The following LINGO2 variants were observed in gnomAD, a reference collection of about 807,000 sequenced individuals.
The protein encoded by LINGO2 is leucine-rich repeat and immunoglobulin-like domain-containing nogo receptor-interacting protein 2.
In LINGO2, 14 loss-of-function variants were observed where a neutral mutation model predicts 30.6. The observed-to-expected ratio is 0.46, with a 90% CI of 0.30 to 0.72. LINGO2 has a LOEUF of 0.72. Among genes scored for constraint, LINGO2 ranks in the 30% least tolerant of loss-of-function variants. The pLI, the probability that LINGO2 is intolerant of heterozygous loss-of-function variation, is 0.07. For missense variants in LINGO2, 729 were observed against 751.7 expected, an observed-to-expected ratio of 0.97 and a Z score of 0.35; for synonymous variants, 317 against 288.5, an observed-to-expected ratio of 1.10 and a Z score of -1.00.
At chr9:28,043,758 C>G (rs770191545) in intron 4 of LINGO2, among the ~76,000 whole-genome samples, 4 of 152,180 alleles carry the variant, frequency 2.6e-5, no homozygotes, top group Non-Finnish European at 5.9e-5. Context: ...TACATGGAAA[C>G]AATCCTGGCA....
the LINGO2 span, among the ~76,000 whole-genome samples, chr9:29,183,495 G>A: frequency 6.6e-6 from 1 of 152,128 alleles, no homozygotes; most frequent in Non-Finnish European, 1.5e-5. Context: ...TCAGGTGCCA[G>A]AAGCAGATCT....
intron 1 of LINGO2, among the ~76,000 whole-genome samples, chr9:28,611,636 A>C (rs754643113): frequency 1.3e-4 from 20 of 152,000 alleles, no homozygotes; most frequent in Non-Finnish European, 2.8e-4. Flanking sequence ...AGAATCATGT[A>C]GTTTGTTCTT....
At position 28,473,441 on chromosome 9, in the gene LINGO2, A is replaced by G. The variant is rs138430083; in HGVS notation, c.-279+2499T>C. 1.7e-4 allele frequency among the ~76,000 whole-genome samples: 26 copies of G among 152,028 alleles called. No homozygotes were observed. The East Asian group carries it at 4.6e-3, about 27-fold the overall frequency. On this transcript the variant is annotated intron_variant, in intron 2 of 5. Transcript: ENST00000379992. ...CACACACACATACACATACACACAC[A>G]CACACTGTGAGCATGCACACATTAC...
At chr9:28,087,236 G>C (rs1226527872) in intron 4 of LINGO2, among the ~76,000 whole-genome samples, 1 of 152,042 alleles carries the variant, frequency 6.6e-6, no homozygotes, top group African/African-American at 2.4e-5. Context: ...GCCCAGACTA[G>C]ATTGTTGGAA....
At chr9:28,189,320 GAA>G (rs1819677241) in intron 4 of LINGO2, among the ~76,000 whole-genome samples, 1 of 82,732 alleles carries the variant, frequency 1.2e-5, no homozygotes, top group Non-Finnish European at 2.5e-5. Context: ...AGGAAGGAAG[GAA>G]GGGAGGGAGG....
rs766267617 is a variant in LINGO2, at chr9:28,226,626, GGAAAGAAGGAAAGAAGGAAAGAAA to G, written c.-87+68558_-87+68581del. Among the ~76,000 whole-genome samples, 237 of 90,818 alleles carry G rather than the reference GGAAAGAAGGAAAGAAGGAAAGAAA, an allele frequency of 2.6e-3. 1 individual carries two copies. The highest frequency in any genetic ancestry group is 4.0e-3 in the Non-Finnish European group (169 of 42,518). 59.6% of individuals were successfully genotyped at this position (90,818 alleles called of 152,430 possible). A position where few individuals can be genotyped will look rare whatever the true frequency, so the allele number is the denominator to read the frequency against. On this transcript the variant is annotated intron_variant, in intron 4 of 5. Transcript: ENST00000379992. Reference sequence around the variant, plus strand: ...AAAGAAAAAGGTAAGAAGGAAAGAAGGAAAGAAGGAAAGAAGGAAAGAAAGAAAGAAAGAAAGAAAGAAAGAAAG... The same window carrying G: ...AAAGAAAAAGGTAAGAAGGAAAGAAGGAAAGAAAGAAAGAAAGAAAGAAAG...
At chr9:29,136,570 C>A in the LINGO2 span, among the ~76,000 whole-genome samples, 3 of 152,172 alleles carry the variant, frequency 2.0e-5, no homozygotes, top group Middle Eastern at 3.4e-3. Context: ...AATATTTCTT[C>A]ATCATTGACT....
chr9:28,411,594 T>C (rs1822765981), intron 2 of LINGO2, among the ~76,000 whole-genome samples: 1 of 152,162 alleles, frequency 6.6e-6, no homozygotes, highest in Non-Finnish European at 1.5e-5. Context: ...GCATAAACCA[T>C]AATTACCTTC....
At chr9:28,471,273 G>C (rs1825507815) in intron 2 of LINGO2, among the ~76,000 whole-genome samples, 1 of 152,192 alleles carries the variant, frequency 6.6e-6, no homozygotes, top group South Asian at 2.1e-4. Context: ...TCTGGCATAG[G>C]CTTTCATACT....
intron 5 of LINGO2, among the ~76,000 whole-genome samples, chr9:27,956,921 C>T (rs1169570058): frequency 1.3e-5 from 2 of 151,852 alleles, no homozygotes; most frequent in Non-Finnish European, 2.9e-5. Flanking sequence ...AGCAAGATCT[C>T]ATATCTACAA....
intron 5 of LINGO2, among the ~76,000 whole-genome samples, chr9:28,003,987 AAG>A (rs1349368950): frequency 6.6e-6 from 1 of 152,218 alleles, no homozygotes; most frequent in African/African-American, 2.4e-5. Flanking sequence ...CATTTGAAAA[AAG>A]AGTGAATTTG....
At chr9:28,585,263 A>G (rs2135675406) in intron 1 of LINGO2, among the ~76,000 whole-genome samples, 1 of 152,136 alleles carries the variant, frequency 6.6e-6, no homozygotes, top group East Asian at 1.9e-4. Flanking sequence ...TATTTGATAA[A>G]TCTGACAACC....
At chr9:28,878,476 A>G in the LINGO2 span, among the ~76,000 whole-genome samples, 4 of 150,546 alleles carry the variant, frequency 2.7e-5, no homozygotes, top group African/African-American at 9.7e-5. Flanking sequence ...GAATCCTCCC[A>G]AACTCATTTT....
At chr9:28,590,569 A>G (rs932009851) in intron 1 of LINGO2, among the ~76,000 whole-genome samples, 11 of 152,182 alleles carry the variant, frequency 7.2e-5, no homozygotes, top group African/African-American at 2.7e-4. Flanking sequence ...GCTCATCATC[A>G]CTGGCCATCA....
the LINGO2 span, among the ~76,000 whole-genome samples, chr9:28,716,548 T>G: frequency 6.6e-6 from 1 of 152,098 alleles, no homozygotes; most frequent in African/African-American, 2.4e-5. Context: ...GTCACAAATA[T>G]AGTTTCCTTT....
chr9:27,980,867 G>C (rs535963492), intron 5 of LINGO2, among the ~76,000 whole-genome samples: 3 of 151,944 alleles, frequency 2.0e-5, no homozygotes, highest in African/African-American at 7.2e-5. Context: ...TGAGGACTCT[G>C]TTTATGTTTA....
At chr9:28,675,079 A>G (rs1156239308), upstream of LINGO2, among the ~76,000 whole-genome samples, 7 of 152,188 alleles carry the variant, frequency 4.6e-5, no homozygotes, top group Non-Finnish European at 7.4e-5. Context: ...CCTACTATGT[A>G]CCTAGATATG....
the LINGO2 span, among the ~76,000 whole-genome samples, chr9:29,014,321 C>T: frequency 3.9e-5 from 6 of 152,232 alleles, no homozygotes; most frequent in African/African-American, 1.4e-4. Context: ...CAAAGTTAAC[C>T]ATCATGGGAT....
chr9:28,987,043 T>G, the LINGO2 span, among the ~76,000 whole-genome samples: 1 of 151,458 alleles, frequency 6.6e-6, no homozygotes, highest in Admixed American at 6.6e-5. Flanking sequence ...TCCTGTAATA[T>G]TATTGTATTT....
Sources: allele counts gnomAD v4.1 joint callset (sites outside exome capture counted in the v4.1 genomes callset), GRCh38; gene constraint gnomAD v4.1.1; transcripts MANE v1.5; gene names NCBI Gene and HGNC (gene_info 2026-07-23, HGNC 2026-07-21).